The following THSD7B variants were observed in gnomAD, a reference collection of about 807,000 sequenced individuals.
The protein encoded by THSD7B is thrombospondin type 1 domain containing 7B.
A neutral mutation model predicts 213.6 loss-of-function variants in THSD7B; 138 were observed. The observed-to-expected ratio is 0.65, with a 90% confidence interval of 0.56 to 0.74. THSD7B has a LOEUF of 0.74. THSD7B is among the 30% of genes least tolerant of loss of function. THSD7B has a pLI of 0.00. For synonymous variants in THSD7B, 742 were observed against 687.0 expected (o/e 1.08, Z -1.25); for missense variants, 1,931 against 1,991.5 (o/e 0.97, Z 0.58).
At chr2:137,044,060 C>T (rs1180187993) in intron 2 of THSD7B, among the ~76,000 whole-genome samples, 1 of 152,080 alleles carries the variant, frequency 6.6e-6, no homozygotes, top group Non-Finnish European at 1.5e-5. Flanking sequence ...GAACCTGTAT[C>T]CTGACAGCTT....
In THSD7B at chr2:137,572,412, G is replaced by A; in HGVS notation, c.3279G>A (p.Val1093=). 1 of 1,613,826 alleles carries A rather than the reference G, an allele frequency of 6.2e-7. No homozygotes were observed. Among genetic ancestry groups the A allele is most frequent in the Non-Finnish European group, 8.5e-7 (1 of 1,179,794 alleles). The change falls in exon 17 of 28, where the codon GTG becomes GTA. Residue 1093 remains valine, a synonymous_variant. Coordinates refer to ENST00000409968, the MANE Select transcript of THSD7B (RefSeq NM_001316349.2). ...GGTQSRKIRC[V]NTADGEGGAV... Reference sequence around the variant, plus strand: ...TTGTGACCTTGCTTTACAGATGTGTGAATACTGCGGATGGTGAAGGTGGAG... The same window carrying A: ...TTGTGACCTTGCTTTACAGATGTGTAAATACTGCGGATGGTGAAGGTGGAG...
At chr2:136,815,322 G>A (rs575716814) in intron 1 of THSD7B, among the ~76,000 whole-genome samples, 1 of 152,236 alleles carries the variant, frequency 6.6e-6, no homozygotes, top group Non-Finnish European at 1.5e-5. Context: ...GGTCAATTTT[G>A]GGTCAGTTCC....
intron 21 of THSD7B, among the ~76,000 whole-genome samples, chr2:137,644,963 A>T (rs565673778): frequency 1.3e-4 from 20 of 152,170 alleles, no homozygotes; most frequent in Admixed American, 1.2e-3. Context: ...ACTCTTCCCA[A>T]GTTTCTCAGC....
At chr2:136,966,919 C>T (rs1685324898) in intron 2 of THSD7B, among the ~76,000 whole-genome samples, 1 of 152,158 alleles carries the variant, frequency 6.6e-6, no homozygotes. Flanking sequence ...TATTCTCTTT[C>T]TCTCTTCCTT....
chr2:136,997,837 C>G (rs1043659520), intron 2 of THSD7B, among the ~76,000 whole-genome samples: 3 of 152,044 alleles, frequency 2.0e-5, no homozygotes, highest in African/African-American at 7.3e-5. Context: ...AAGCTGAGCT[C>G]AAAGCTTGGG....
At chr2:137,487,273 C>T (rs1688473917) in intron 15 of THSD7B, among the ~76,000 whole-genome samples, 1 of 139,926 alleles carries the variant, frequency 7.1e-6, no homozygotes, top group Admixed American at 7.5e-5. Context: ...GAGGCTGAGG[C>T]AGGAGAATGG....
At chr2:137,146,924 T>C (rs1316264087) in intron 5 of THSD7B, among the ~76,000 whole-genome samples, 1 of 152,186 alleles carries the variant, frequency 6.6e-6, no homozygotes, top group Non-Finnish European at 1.5e-5. Flanking sequence ...TAGCAGACTC[T>C]TAGTTTAATG....
chr2:137,299,177 T>C (rs1386287767), intron 12 of THSD7B, among the ~76,000 whole-genome samples: 3 of 152,146 alleles, frequency 2.0e-5, no homozygotes, highest in Non-Finnish European at 2.9e-5. Flanking sequence ...GAAGTCATTT[T>C]GGAGCTTTAA....
chr2:137,617,986 G>T (rs1042266151), intron 18 of THSD7B, among the ~76,000 whole-genome samples: 1 of 152,144 alleles, frequency 6.6e-6, no homozygotes, highest in Non-Finnish European at 1.5e-5. Context: ...TATGAATTTT[G>T]CAGGGGTACA....
chr2:137,605,108 C>A (rs921813046), intron 17 of THSD7B, among the ~76,000 whole-genome samples: 1 of 152,114 alleles, frequency 6.6e-6, no homozygotes, highest in African/African-American at 2.4e-5. Flanking sequence ...TTCAATAAGG[C>A]CTGTGGACAA....
chr2:137,236,436 A>G (rs765265622), intron 9 of THSD7B, among the ~76,000 whole-genome samples: 12 of 152,334 alleles, frequency 7.9e-5, no homozygotes, highest in Middle Eastern at 3.4e-3. Context: ...GCTGGTAACA[A>G]CTGAATCAGA....
At chr2:137,064,916 G>A (rs149352037) in intron 3 of THSD7B, among the ~76,000 whole-genome samples, 11 of 151,616 alleles carry the variant, frequency 7.3e-5, no homozygotes, top group African/African-American at 2.4e-4. Flanking sequence ...TAGTTCTGTA[G>A]TATAACTTGA....
chr2:136,767,510 C>A (rs1045769890), intron 1 of THSD7B, among the ~76,000 whole-genome samples: 1 of 124,960 alleles, frequency 8.0e-6, no homozygotes, highest in African/African-American at 2.7e-5. Context: ...GTGTTTTCTT[C>A]ATCTACCTGC....
chr2:137,481,095 C>A (rs758760848), intron 15 of THSD7B, among the ~76,000 whole-genome samples: 6 of 152,170 alleles, frequency 3.9e-5, no homozygotes, highest in Admixed American at 1.3e-4. Flanking sequence ...CAGAGAACGA[C>A]CTTTATCAGA....
chr2:137,632,748 AAAATACCTATCT>A (rs1296461931), intron 20 of THSD7B, among the ~76,000 whole-genome samples: 1 of 152,218 alleles, frequency 6.6e-6, no homozygotes, highest in African/African-American at 2.4e-5. Context: ...CTTCTGCCAT[AAAATACCTATCT>A]AAGCCCCTTG....
rs139151785 is a variant in THSD7B at position 137,146,733 on chromosome 2, T to C, written c.1370-13480T>C. 7.0e-4 allele frequency among the ~76,000 whole-genome samples: 106 copies of C among 152,206 alleles called. 1 individual carries two copies. Among genetic ancestry groups the C allele is most frequent in the African/African-American group, 2.5e-3 (104 of 41,542 alleles). ...TACACATATAGCACATATGCAGATA[T>C]ATAGCATATGTTTATTTGTGAAAAT... On this transcript the variant is annotated intron_variant, in intron 5 of 27. Coordinates refer to ENST00000409968, the MANE Select transcript of THSD7B (RefSeq NM_001316349.2).
chr2:137,545,527 C>A (rs1176472308), intron 15 of THSD7B, among the ~76,000 whole-genome samples: 1 of 151,800 alleles, frequency 6.6e-6, no homozygotes, highest in East Asian at 1.9e-4. Context: ...TAGAACCCAA[C>A]CAAGGAATCC....
At chr2:137,338,547 A>G (rs193277591) in intron 12 of THSD7B, among the ~76,000 whole-genome samples, 1 of 152,252 alleles carries the variant, frequency 6.6e-6, no homozygotes, top group East Asian at 1.9e-4. Flanking sequence ...TTATAAGTCT[A>G]CATACATAAA....
intron 2 of THSD7B, among the ~76,000 whole-genome samples, chr2:137,041,865 T>C (rs1415795677): frequency 1.3e-5 from 2 of 152,124 alleles, no homozygotes; most frequent in Non-Finnish European, 2.9e-5. Flanking sequence ...TATCCTGAAG[T>C]AAAACCCCAG....
Sources: allele counts gnomAD v4.1 joint callset (sites outside exome capture counted in the v4.1 genomes callset), GRCh38; gene constraint gnomAD v4.1.1; transcripts MANE v1.5; gene names NCBI Gene and HGNC (gene_info 2026-07-23, HGNC 2026-07-21).